The following C17orf113 variants were observed in gnomAD, a reference collection of about 807,000 sequenced individuals.
The protein encoded by C17orf113 is chromosome 17 open reading frame 113, also known as uncharacterized protein C17orf113.
Under a neutral mutation model 11.6 loss-of-function variants are expected in C17orf113, and 5 were observed. That is an observed-to-expected ratio of 0.43 (90% CI 0.23 to 0.91). C17orf113 has a LOEUF of 0.91. C17orf113 is among the 40% of genes least tolerant of loss of function. C17orf113 has a pLI of 0.26. For synonymous variants in C17orf113, 327 were observed against 390.6 expected (o/e 0.84, Z 1.92); for missense variants, 714 against 841.3 (o/e 0.85, Z 1.87).
rs1298000476 is a variant in C17orf113 at position 42,050,101 on chromosome 17, G to A, written c.-188+456C>T. On this transcript the variant is annotated intron_variant, in intron 1 of 2. Transcript: ENST00000587304. The surrounding 1 kb of genome is among the most constrained non-coding windows in gnomAD (Gnocchi z 5.6). ...CAGTTGTGACCAAGGCTGACCAGGA[G>A]GGCACACTTGCTGCAGACACAGGTC... 6.6e-6 allele frequency among the ~76,000 whole-genome samples: 1 copy of A among 152,202 alleles called. No homozygotes were observed. The highest frequency in any genetic ancestry group is 1.9e-4 in the East Asian group (1 of 5,198).
At chr17:42,045,196 C>A (rs904663578) in intron 1 of C17orf113, among the ~76,000 whole-genome samples, 1 of 152,126 alleles carries the variant, frequency 6.6e-6, no homozygotes, top group Non-Finnish European at 1.5e-5. Flanking sequence ...GGATTACAGG[C>A]GTGAGCCACC....
At position 42,038,899 on chromosome 17, in the gene C17orf113, G is replaced by A. The variant is rs1025935584; in HGVS notation, c.*806C>T. ...TGTGCTGTGTGTCAGAAACAAGCAC[G>A]GTCATCTACTCCCCAGTCATAGCTG... On this transcript the variant is annotated 3_prime_UTR_variant, in exon 3 of 3. Transcript: ENST00000587304. 1.3e-5 allele frequency: 2 copies of A among 152,206 alleles called. No individual in the cohort carries two copies. The highest frequency in any genetic ancestry group is 2.1e-4 in the South Asian group (1 of 4,826). The allele number at this position is 152,206 out of a possible 1,614,324, so 9.4% of individuals were successfully genotyped here. A position where few individuals can be genotyped will look rare whatever the true frequency, so the allele number is the denominator to read the frequency against.
chr17:42,038,242 G>T lies in C17orf113; in HGVS notation c.*1463C>A. On this transcript the variant is annotated 3_prime_UTR_variant, in exon 3 of 3. Coordinates refer to ENST00000587304, the MANE Select transcript of C17orf113 (RefSeq NM_001358661.2). ...ACCATGGAGACTGCATGATGTGCTG[G>T]GATTCCATTTTATTGCAAATTAAAC... 1.8e-6 allele frequency: 1 copy of T among 556,668 alleles called. No individual in the cohort carries two copies. Among genetic ancestry groups the T allele is most frequent in the Non-Finnish European group, 3.1e-6 (1 of 325,496 alleles). 34.5% of individuals were successfully genotyped at this position (556,668 alleles called of 1,614,324 possible).
At chr17:42,043,920 G>A (rs1003502576) in intron 1 of C17orf113, among the ~76,000 whole-genome samples, 7 of 151,956 alleles carry the variant, frequency 4.6e-5, no homozygotes, top group African/African-American at 7.3e-5. Context: ...GGTTCTCAGG[G>A]CCCATGAGGA....
chr17:42,040,612 G>A lies in C17orf113; in HGVS notation c.1121C>T (p.Thr374Ile), dbSNP rs1555656038. ...TGAGGCAAGGGCTGCAGCCTCCAGGGTGGGCACCAGGCCAGGCCAGGCCTC... is the reference window on the plus strand; with the variant it reads ...TGAGGCAAGGGCTGCAGCCTCCAGGATGGGCACCAGGCCAGGCCAGGCCTC... ...VAEAWPGLVPTLEAAALASPV... is the reference protein window; with the variant it reads ...VAEAWPGLVPILEAAALASPV... The change falls in exon 3 of 3, where the codon ACC becomes ATC. Residue 374 changes from threonine (T) to isoleucine (I), a missense_variant. Around this residue, in one of 3 missense-constraint regions of C17orf113, gnomAD observed 516 missense variants for 626.6 expected, o/e 0.82. Transcript: ENST00000587304. The A allele has an allele frequency of 3.2e-6, 4 of 1,232,244 alleles. No homozygotes were observed. In the South Asian group the frequency reaches 1.6e-4, roughly 51 times the overall value. 76.3% of individuals were successfully genotyped at this position (1,232,244 alleles called of 1,614,324 possible).
At position 42,040,710 on chromosome 17, in the gene C17orf113, A is replaced by G; in HGVS notation, c.1023T>C (p.Leu341=). Residue 341 remains leucine (L), a synonymous_variant, in exon 3 of 3, where the codon CTT becomes CTC. Coordinates refer to ENST00000587304, the MANE Select transcript of C17orf113 (RefSeq NM_001358661.2). ...LVPELRAALD[L]AAIDLAGPRP... The stretch of plus-strand genomic sequence containing the variant: ...GAGGCCCTGCCAAGTCAATAGCTGC[A>G]AGGTCCAGTGCTGCCCGGAGCTCAG... 2 of 1,232,344 alleles carry G rather than the reference A, an allele frequency of 1.6e-6. No homozygotes were observed. The highest frequency in any genetic ancestry group is 4.1e-5 in the South Asian group (1 of 24,326). 76.3% of individuals were successfully genotyped at this position (1,232,344 alleles called of 1,614,324 possible).
At chr17:42,042,740 G>C in intron 2 of C17orf113, 94 bp downstream of exon 2, 3 of 948,488 alleles carry the variant, frequency 3.2e-6, no homozygotes, top group Non-Finnish European at 4.1e-6. Flanking sequence ...TGCCCTAGCT[G>C]CTCCCCAAGG....
Position 42,040,367 on chromosome 17 carries a change from C to T in C17orf113, c.1366G>A (p.Glu456Lys). ...GGARLQGFLQ[E>K]LASMDPDASS... ...GCGTCAGGGTCCATGGATGCCAGTT[C>T]CTGCAGGAAGCCCTGGAGGCGGGCC... The change falls in exon 3 of 3, where the codon GAA becomes AAA. Residue 456 changes from glutamate (E) to lysine (K), a missense_variant. Physicochemically the swap from Glu to Lys is moderately conservative, Grantham distance 56. Coordinates refer to ENST00000587304, the MANE Select transcript of C17orf113 (RefSeq NM_001358661.2). 1.2e-5 allele frequency: 15 copies of T among 1,231,916 alleles called. No individual in the cohort carries two copies. Among genetic ancestry groups the T allele is most frequent in the Non-Finnish European group, 1.5e-5 (15 of 987,930 alleles). The allele number at this position is 1,231,916 out of a possible 1,614,324, so 76.3% of individuals were successfully genotyped here. A position where few individuals can be genotyped will look rare whatever the true frequency, so the allele number is the denominator to read the frequency against.
chr17:42,038,877 G>A lies in C17orf113; in HGVS notation c.*828C>T, dbSNP rs565413660. The A allele has an allele frequency of 1.3e-5, 2 of 152,282 alleles. No homozygotes were observed. Among genetic ancestry groups the A allele is most frequent in the Admixed American group, 1.3e-4 (2 of 15,284 alleles). 9.4% of individuals were successfully genotyped at this position (152,282 alleles called of 1,614,324 possible). A position where few individuals can be genotyped will look rare whatever the true frequency, so the allele number is the denominator to read the frequency against. Reference sequence around the variant, plus strand: ...AGCTTGTGTACAGAGAGGACACTGTGCTGTGTGTCAGAAACAAGCACGGTC... The same window carrying A: ...AGCTTGTGTACAGAGAGGACACTGTACTGTGTGTCAGAAACAAGCACGGTC... On this transcript the variant is annotated 3_prime_UTR_variant, in exon 3 of 3. Transcript: ENST00000587304.
rs571038586 is a variant in C17orf113, at chr17:42,039,770, C to A, written c.1963G>T (p.Gly655Trp). The A allele has an allele frequency of 1.7e-5, 21 of 1,232,302 alleles. No individual in the cohort carries two copies. Among genetic ancestry groups the A allele is most frequent in the East Asian group, 3.2e-5 (1 of 31,728 alleles). 76.3% of individuals were successfully genotyped at this position (1,232,302 alleles called of 1,614,324 possible). A position where few individuals can be genotyped will look rare whatever the true frequency, so the allele number is the denominator to read the frequency against. Residue 655 changes from glycine (G) to tryptophan (W), a missense_variant, in exon 3 of 3, where the codon GGG becomes TGG. Gly to Trp is a radical substitution (Grantham distance 184, BLOSUM62 -2). Transcript: ENST00000587304. ...DGPPLHEFDF[G>W]LAVEFLESGW... is the part of the protein sequence containing the mutation. ...CTCTCTAAGAACTCCACAGCCAACC[C>A]GAAGTCAAACTCGTGCAGCGGGGGC... is the stretch of plus-strand genomic sequence containing the variant.
intron 1 of C17orf113, among the ~76,000 whole-genome samples, chr17:42,049,850 AG>A (rs1217684323): frequency 6.6e-6 from 1 of 152,268 alleles, no homozygotes; most frequent in African/African-American, 2.4e-5. Context: ...TAAATTACTT[AG>A]AATTAAATAA....
In C17orf113 at chr17:42,041,194, G is replaced by C; in HGVS notation, c.544-5C>G. Reference sequence around the variant, plus strand: ...CAAGACACTGGCAATGGCCACCTGGGACAGCCAGGGAAAGAAAGGGAGGGA... The same window carrying C: ...CAAGACACTGGCAATGGCCACCTGGCACAGCCAGGGAAAGAAAGGGAGGGA... On this transcript the variant is annotated splice_region_variant and splice_polypyrimidine_tract_variant and intron_variant, in intron 2 of 2. Transcript: ENST00000587304. 8.1e-7 allele frequency: 1 copy of C among 1,232,528 alleles called. No individual in the cohort carries two copies. The highest frequency in any genetic ancestry group is 1.0e-6 in the Non-Finnish European group (1 of 988,240). 76.3% of individuals were successfully genotyped at this position (1,232,528 alleles called of 1,614,324 possible).
Position 42,039,794 on chromosome 17 carries a change from G to A in C17orf113, c.1939C>T (p.Pro647Ser), listed in dbSNP as rs2143635657. ...GHMVKIAVDG[P>S]PLHEFDFGLA... ...CCGAAGTCAAACTCGTGCAGCGGGGGCCCATCCACTGCGATCTTCACCATG... is the reference window on the plus strand; with the variant it reads ...CCGAAGTCAAACTCGTGCAGCGGGGACCCATCCACTGCGATCTTCACCATG... Residue 647 changes from proline to serine, a missense_variant, in exon 3 of 3, where the codon CCC (proline) becomes TCC (serine). Pro to Ser is a moderately conservative substitution (Grantham distance 74). Around this residue, in one of 3 missense-constraint regions of C17orf113, gnomAD observed 194 missense variants for 197.2 expected, o/e 0.98. Coordinates refer to ENST00000587304, the MANE Select transcript of C17orf113 (RefSeq NM_001358661.2). 2 of 1,232,262 alleles carry A rather than the reference G, an allele frequency of 1.6e-6. No homozygotes were observed. Among genetic ancestry groups the A allele is most frequent in the East Asian group, 3.2e-5 (1 of 31,694 alleles). The allele number at this position is 1,232,262 out of a possible 1,614,324, so 76.3% of individuals were successfully genotyped here.
In C17orf113 at chr17:42,040,114, G is replaced by A; in HGVS notation, c.1619C>T (p.Ala540Val). Residue 540 changes from alanine (A) to valine (V), a missense_variant, in exon 3 of 3, where the codon GCG becomes GTG. Ala to Val is a moderately conservative substitution (Grantham distance 64, BLOSUM62 0). Transcript: ENST00000587304. ...PEELGTHGEG[A>V]LRVLLRGFAP... ...AAAGCCGCGCAGCAGCACCCGCAGC[G>A]CCCCCTCGCCATGCGTGCCCAGCTC... 8.1e-7 allele frequency: 1 copy of A among 1,231,366 alleles called. No homozygotes were observed. Among genetic ancestry groups the A allele is most frequent in the Non-Finnish European group, 1.0e-6 (1 of 987,688 alleles). The allele number at this position is 1,231,366 out of a possible 1,614,324, so 76.3% of individuals were successfully genotyped here. A position where few individuals can be genotyped will look rare whatever the true frequency, so the allele number is the denominator to read the frequency against.
At chr17:42,044,989 C>A (rs1555656490) in intron 1 of C17orf113, among the ~76,000 whole-genome samples, 1 of 149,060 alleles carries the variant, frequency 6.7e-6, no homozygotes, top group East Asian at 2.0e-4. Context: ...GCAATCTTGG[C>A]TCACTGCAAG....
chr17:42,040,701 A>G lies in C17orf113; in HGVS notation c.1032T>C (p.Ile344=). Residue 344 remains isoleucine, a synonymous_variant, in exon 3 of 3, where the codon ATT becomes ATC. Coordinates refer to ENST00000587304, the MANE Select transcript of C17orf113 (RefSeq NM_001358661.2). ...ELRAALDLAA[I]DLAGPRPVPW... is the part of the protein sequence containing the mutation. ...GCACTGGCCGAGGCCCTGCCAAGTC[A>G]ATAGCTGCAAGGTCCAGTGCTGCCC... 1.6e-6 allele frequency: 2 copies of G among 1,232,264 alleles called. No individual in the cohort carries two copies. The highest frequency in any genetic ancestry group is 1.0e-6 in the Non-Finnish European group (1 of 988,028). The allele number at this position is 1,232,264 out of a possible 1,614,324, so 76.3% of individuals were successfully genotyped here. A position where few individuals can be genotyped will look rare whatever the true frequency, so the allele number is the denominator to read the frequency against.
At position 42,038,405 on chromosome 17, in the gene C17orf113, G is replaced by A. The variant is rs2052916857; in HGVS notation, c.*1300C>T. 3.5e-6 allele frequency: 1 copy of A among 287,266 alleles called. No homozygotes were observed. Among genetic ancestry groups the A allele is most frequent in the Non-Finnish European group, 6.5e-6 (1 of 153,296 alleles). 17.8% of individuals were successfully genotyped at this position (287,266 alleles called of 1,614,324 possible). ...GGAAACCCATGGGCTCTGAAGGGAT[G>A]TGCTCCCCAGCTCTGATGAGGCCTA... On this transcript the variant is annotated 3_prime_UTR_variant, in exon 3 of 3. Coordinates refer to ENST00000587304, the MANE Select transcript of C17orf113 (RefSeq NM_001358661.2).
In C17orf113 at chr17:42,040,335, G is replaced by A. The variant is rs1397352358; in HGVS notation, c.1398C>T (p.Ser466=). The A allele has an allele frequency of 1.6e-6, 2 of 1,231,876 alleles. No individual in the cohort carries two copies. The highest frequency in any genetic ancestry group is 2.0e-6 in the Non-Finnish European group (2 of 987,956). 76.3% of individuals were successfully genotyped at this position (1,231,876 alleles called of 1,614,324 possible). The change falls in exon 3 of 3, where the codon AGC becomes AGT. Residue 466 remains serine (S), a synonymous_variant. Coordinates refer to ENST00000587304, the MANE Select transcript of C17orf113 (RefSeq NM_001358661.2). ...CCACGCCGCGGTAGGTGCAGCGTCC[G>A]CTGCTGGCGTCAGGGTCCATGGATG... is the stretch of plus-strand genomic sequence containing the variant. The part of the protein sequence containing the change: ...ELASMDPDAS[S]GRCTYRGVEL...
chr17:42,046,083 C>T lies in C17orf113; in HGVS notation c.-187-2520G>A, dbSNP rs368924510. Among the ~76,000 whole-genome samples the T allele has an allele frequency of 4.4e-3, 673 of 152,338 alleles. 2 individuals carry two copies. The highest frequency in any genetic ancestry group is 0.01 in the Middle Eastern group (3 of 294). ...CAGCTCAGATATCCCTTCTGCCATG[C>T]TGATCCCCACAACCTGGGCTGGTAG... is the stretch of plus-strand genomic sequence containing the variant. On this transcript the variant is annotated intron_variant, in intron 1 of 2. Coordinates refer to ENST00000587304, the MANE Select transcript of C17orf113 (RefSeq NM_001358661.2).
Sources: allele counts gnomAD v4.1 joint callset (sites outside exome capture counted in the v4.1 genomes callset), GRCh38; gene constraint gnomAD v4.1.1; regional missense constraint gnomAD v4.1.1; non-coding constraint Gnocchi (gnomAD v3.1); transcripts MANE v1.5; gene names NCBI Gene and HGNC (gene_info 2026-07-23, HGNC 2026-07-21).